ACAD10: variants seen among roughly 807,000 people sequenced by gnomAD.
ACAD10 encodes the protein ACAD-10.
ACAD10 carries 112 observed loss-of-function variants against 116.8 expected under a neutral mutation model. That is an observed-to-expected ratio of 0.96 (90% CI 0.82 to 1.12). The LOEUF is 1.12. Ranked by LOEUF, ACAD10 falls within the 50% of genes most tolerant of loss-of-function variation. The pLI is 0.00. For missense variants in ACAD10, 1,259 were observed against 1,350.2 expected, an observed-to-expected ratio of 0.93 and a Z score of 1.06; for synonymous variants, 486 against 510.6, an observed-to-expected ratio of 0.95 and a Z score of 0.65.
chr12:111,723,649 C>CA (rs1889114688), intron 8 of ACAD10, among the ~76,000 whole-genome samples: 1 of 142,520 alleles, frequency 7.0e-6, no homozygotes, highest in African/African-American at 2.5e-5. Context: ...GGGGGCTGAC[C>CA]CCCCGACCTC....
Position 111,724,292 on chromosome 12 carries a change from C to T in ACAD10, c.1061+2553C>T, listed in dbSNP as rs985339395. The stretch of plus-strand genomic sequence containing the variant: ...CCTCACTTCCTAGATGGGATGGCGG[C>T]GGGGCGGAGACGCTCCTCACTTTCC... On this transcript the variant is annotated intron_variant, in intron 8 of 20. Transcript: ENST00000313698. 3.9e-5 allele frequency among the ~76,000 whole-genome samples: 6 copies of T among 151,962 alleles called. No individual in the cohort carries two copies. In the East Asian group the frequency reaches 5.9e-4, roughly 15 times the overall value.
chr12:111,739,382 A>C (rs904585474), intron 12 of ACAD10, among the ~76,000 whole-genome samples: 1 of 152,232 alleles, frequency 6.6e-6, no homozygotes, highest in African/African-American at 2.4e-5. Context: ...TCACAGGGCA[A>C]ACAACTCAGT....
At chr12:111,717,900 T>C (rs1353645346) in intron 7 of ACAD10, among the ~76,000 whole-genome samples, 1 of 152,132 alleles carries the variant, frequency 6.6e-6, no homozygotes, top group Non-Finnish European at 1.5e-5. Flanking sequence ...TACTCAGATA[T>C]TTTATTTCAT....
intron 5 of ACAD10, among the ~76,000 whole-genome samples, chr12:111,711,031 G>A (rs1888663730): frequency 6.6e-6 from 1 of 152,142 alleles, no homozygotes; most frequent in Non-Finnish European, 1.5e-5. Flanking sequence ...TCCTGGGTTC[G>A]AAGGCCTTCC....
chr12:111,706,387 C>T (rs973950564), intron 4 of ACAD10, among the ~76,000 whole-genome samples: 2 of 152,200 alleles, frequency 1.3e-5, no homozygotes, highest in African/African-American at 4.8e-5. Flanking sequence ...CCCAACCTGT[C>T]ATGTGATAAA....
intron 4 of ACAD10, among the ~76,000 whole-genome samples, chr12:111,706,462 T>A (rs1274760354): frequency 6.6e-6 from 1 of 152,156 alleles, no homozygotes; most frequent in South Asian, 2.1e-4. Context: ...TTTATTTTTT[T>A]ATTTTGAGAT....
At chr12:111,753,980 A>G (rs1474906969) in intron 19 of ACAD10, 65 bp downstream of exon 19, 2 of 1,515,536 alleles carry the variant, frequency 1.3e-6, no homozygotes, top group Non-Finnish European at 1.8e-6. Context: ...TCAGCAAAGC[A>G]TGAGAGCCTG....
chr12:111,743,613 G>C (rs1428218028), intron 12 of ACAD10, among the ~76,000 whole-genome samples: 1 of 152,108 alleles, frequency 6.6e-6, no homozygotes, highest in African/African-American at 2.4e-5. Context: ...GAGATTACAG[G>C]TGTGAGCCAT....
rs1485151540 is a variant in ACAD10 at position 111,756,471 on chromosome 12, T to G, written c.3178T>G (p.Ter1060GluextTer21). 1 of 1,612,246 alleles carries G rather than the reference T, an allele frequency of 6.2e-7. No individual in the cohort carries two copies. The highest frequency in any genetic ancestry group is 1.7e-5 in the Admixed American group (1 of 59,638). Reference sequence around the variant, plus strand: ...CAAGCTAGAGCTGAAGCACCGCATTTAGAGCCTTGGGGCTGCAGTGGCTCA... The same window carrying G: ...CAAGCTAGAGCTGAAGCACCGCATTGAGAGCCTTGGGGCTGCAGTGGCTCA... ...VAKLELKHRI* is the reference protein window; with the variant it reads ...VAKLELKHRIE Residue 1060 changes from the stop codon to glutamate (E), a stop_lost, in exon 21 of 21, where the codon TAG becomes GAG. Transcript: ENST00000313698.
intron 18 of ACAD10, among the ~76,000 whole-genome samples, chr12:111,751,022 C>A (rs951115967): frequency 6.6e-6 from 1 of 152,178 alleles, no homozygotes; most frequent in Non-Finnish European, 1.5e-5. Flanking sequence ...ATTCAGCCTT[C>A]TGGCAGAATA....
intron 4 of ACAD10, among the ~76,000 whole-genome samples, chr12:111,707,189 A>G (rs1409445164): frequency 6.6e-6 from 1 of 151,884 alleles, no homozygotes. Context: ...TCCTGGGCTC[A>G]AGCAATTCTC....
chr12:111,724,214 C>G (rs1435019805), intron 8 of ACAD10, among the ~76,000 whole-genome samples: 5 of 147,784 alleles, frequency 3.4e-5, no homozygotes, highest in Non-Finnish European at 7.4e-5. Flanking sequence ...TCCTCACTTC[C>G]TAGATGTGAT....
intron 1 of ACAD10, among the ~76,000 whole-genome samples, chr12:111,692,388 C>T (rs562913999): frequency 4.6e-5 from 7 of 152,240 alleles, no homozygotes; most frequent in African/African-American, 1.7e-4. Context: ...AGTGAGAATG[C>T]AAAGAGGTAG....
intron 10 of ACAD10, among the ~76,000 whole-genome samples, chr12:111,730,478 G>A (rs1183224554): frequency 3.3e-5 from 5 of 152,354 alleles, no homozygotes; most frequent in Middle Eastern, 6.8e-3. Flanking sequence ...CTGGGGGTAT[G>A]TGATGAGTCT....
chr12:111,727,974 C>A lies in ACAD10; in HGVS notation c.1074C>A (p.Thr358=), dbSNP rs1425862064. The part of the protein sequence containing the change: ...DLCEDSSVIG[T]PFYVMEYCPG... ...GTGTTCCTCCCAGTGTCATTGGCAC[C>A]CCCTTCTATGTGATGGAGTACTGCC... is the stretch of plus-strand genomic sequence containing the variant. The change falls in exon 9 of 21, where the codon ACC becomes ACA. Residue 358 remains threonine, a synonymous_variant. Transcript: ENST00000313698. 6.2e-7 allele frequency: 1 copy of A among 1,609,338 alleles called. No individual in the cohort carries two copies. The highest frequency in any genetic ancestry group is 1.7e-5 in the Admixed American group (1 of 58,710).
intron 8 of ACAD10, among the ~76,000 whole-genome samples, chr12:111,724,249 C>T (rs1262213010): frequency 2.7e-5 from 4 of 149,722 alleles, no homozygotes; most frequent in African/African-American, 1.0e-4. Flanking sequence ...GATGTGATGG[C>T]GGCCGGGAAG....
At chr12:111,728,176 GT>G (rs1229879867) in intron 9 of ACAD10, 33 bp downstream of exon 9, 1 of 1,558,842 alleles carries the variant, frequency 6.4e-7, no homozygotes, top group Non-Finnish European at 8.7e-7. Context: ...CATGCTGGTT[GT>G]TTCATCACTA....
intron 4 of ACAD10, among the ~76,000 whole-genome samples, chr12:111,707,550 C>T (rs1271861160): frequency 6.6e-6 from 1 of 152,176 alleles, no homozygotes; most frequent in African/African-American, 2.4e-5. Context: ...GCCCATTCCT[C>T]CAAGGATATT....
At chr12:111,711,488 C>T (rs909312089) in intron 5 of ACAD10, among the ~76,000 whole-genome samples, 1 of 151,166 alleles carries the variant, frequency 6.6e-6, no homozygotes, top group Non-Finnish European at 1.5e-5. Context: ...GGATTACAGG[C>T]GTGAGCCACC....
Sources: allele counts gnomAD v4.1 joint callset (sites outside exome capture counted in the v4.1 genomes callset), GRCh38; gene constraint gnomAD v4.1.1; transcripts MANE v1.5; gene names NCBI Gene and HGNC (gene_info 2026-07-23, HGNC 2026-07-21).